CPT1C: variants seen among roughly 807,000 people sequenced by gnomAD.
The protein encoded by CPT1C is carnitine palmitoyltransferase 1C.
Under a neutral mutation model 97.3 loss-of-function variants are expected in CPT1C, and 61 were observed. That is an observed-to-expected ratio of 0.63 (90% confidence interval 0.51 to 0.78). The LOEUF (loss-of-function observed/expected upper bound fraction) is 0.78, where lower values mean the gene tolerates loss of function less well. CPT1C is among the 30% of genes least tolerant of loss of function. The pLI, the probability that CPT1C is intolerant of heterozygous loss-of-function variation, is 0.00. For synonymous variants in CPT1C, 469 were observed against 447.2 expected, an observed-to-expected ratio of 1.05 and a Z score of -0.61; for missense variants, 975 against 1,065.5, an observed-to-expected ratio of 0.92 and a Z score of 1.18.
At chr19:49,696,272 C>T (rs182827711) in intron 3 of CPT1C, among the ~76,000 whole-genome samples, 1 of 152,170 alleles carries the variant, frequency 6.6e-6, no homozygotes, top group African/African-American at 2.4e-5. Context: ...GTAAATGGCA[C>T]CTGGAATGTA....
At position 49,700,869 on chromosome 19, in the gene CPT1C, A is replaced by G. The variant is rs73588425; in HGVS notation, c.453+14A>G. On this transcript the variant is annotated intron_variant, in intron 5 of 19. Transcript: ENST00000598293. ...AAGACCTGGCTGGTATGGGAGGGGC[A>G]TAGCCCTGCTCAGGCTCTCCTGGGA... The G allele has an allele frequency of 6.5e-3, 10,512 of 1,608,962 alleles. 492 individuals carry two copies. The African/African-American group carries it at 0.11, about 17-fold the overall frequency.
intron 7 of CPT1C, among the ~76,000 whole-genome samples, chr19:49,702,165 T>A (rs1324425608): frequency 7.7e-6 from 1 of 129,180 alleles, no homozygotes; most frequent in South Asian, 2.2e-4. Flanking sequence ...AAATTATAAA[T>A]AAATATATAT....
chr19:49,691,338 G>T lies in CPT1C; in HGVS notation c.-86G>T, dbSNP rs180725899. 1 of 152,078 alleles carries T rather than the reference G, an allele frequency of 6.6e-6. No homozygotes were observed. Among genetic ancestry groups the T allele is most frequent in the African/African-American group, 2.4e-5 (1 of 41,386 alleles). 9.4% of individuals were successfully genotyped at this position (152,078 alleles called of 1,614,324 possible). ...CCGATCAGCGGACCCTTGATTCAAC[G>T]TGGTAAGTACTGGACCCCAGGGGCT... On this transcript the variant is annotated splice_region_variant and 5_prime_UTR_variant, in exon 1 of 20. Transcript: ENST00000598293.
chr19:49,704,591 A>C, intron 7 of CPT1C, 119 bp from the exon 8 acceptor site: 1 of 738,028 alleles, frequency 1.4e-6, no homozygotes, highest in Non-Finnish European at 2.4e-6. Flanking sequence ...ACGATGGCTG[A>C]CTTCTTTGGC....
Position 49,705,075 on chromosome 19 carries a change from C to G in CPT1C, c.840C>G (p.Leu280=), listed in dbSNP as rs756866946. 16 of 1,613,776 alleles carry G rather than the reference C, an allele frequency of 9.9e-6. No individual in the cohort carries two copies. The highest frequency in any genetic ancestry group is 1.4e-5 in the Non-Finnish European group (16 of 1,179,960). ...CTGGGAATGCCGTCCATGCCCTCCT[C>G]CTGTACCGCCACCGCCTGAACCGCC... is the stretch of plus-strand genomic sequence containing the variant. The part of the protein sequence containing the change: ...ARAGNAVHAL[L]LYRHRLNRQE... The change falls in exon 9 of 20, where the codon CTC becomes CTG. Residue 280 remains leucine, a synonymous_variant. Coordinates refer to ENST00000598293, the MANE Select transcript of CPT1C (RefSeq NM_001199753.2).
intron 13 of CPT1C, among the ~76,000 whole-genome samples, chr19:49,708,244 G>A (rs922127062): frequency 6.6e-6 from 1 of 152,042 alleles, no homozygotes; most frequent in African/African-American, 2.4e-5. Flanking sequence ...CAGCACTTTG[G>A]GAGGTCAAGG....
At chr19:49,707,496 C>A in intron 12 of CPT1C, 22 bp from the exon 13 acceptor site, 1 of 1,581,696 alleles carries the variant, frequency 6.3e-7, no homozygotes. Flanking sequence ...TCTTGGTGAC[C>A]CATCTGAACT....
intron 4 of CPT1C, 54 bp from the exon 5 acceptor site, chr19:49,700,630 G>A: frequency 6.3e-7 from 1 of 1,576,412 alleles, no homozygotes; most frequent in South Asian, 1.1e-5. Flanking sequence ...CTGGAAGGGA[G>A]GGAGGTTCTG....
rs2083157332 is a variant in CPT1C, at chr19:49,702,041, AT to A, written c.693+410del. On this transcript the variant is annotated intron_variant, in intron 7 of 19. Transcript: ENST00000598293. The stretch of plus-strand genomic sequence containing the variant: ...ATTTATAAATTATAAATATATATTT[AT>A]TTATAAATTATAAATATATATTTAT... 2.1e-5 allele frequency among the ~76,000 whole-genome samples: 2 copies of A among 97,098 alleles called. 1 individual carries two copies. Among genetic ancestry groups the A allele is most frequent in the African/African-American group, 9.9e-5 (2 of 20,254 alleles). The allele number at this position is 97,098 out of a possible 152,430, so 63.7% of individuals were successfully genotyped here.
rs952198814 is a variant in CPT1C, at chr19:49,710,856, C to T, written c.1865C>T (p.Thr622Met). The T allele has an allele frequency of 2.2e-5, 36 of 1,610,640 alleles. No individual in the cohort carries two copies. Among genetic ancestry groups the T allele is most frequent in the Middle Eastern group, 1.7e-4 (1 of 5,972 alleles). The change falls in exon 16 of 20, where the codon ACG (threonine) becomes ATG (methionine). Residue 622 changes from threonine (T) to methionine (M), a missense_variant and splice_region_variant. Thr to Met is a moderately conservative substitution (Grantham distance 81). Transcript: ENST00000598293. ...FVRAMEDKEK[T>M]DPQCLALFRV... Reference sequence around the variant, plus strand: ...AGGGCCATGGAGGACAAAGAGAAGACGGTGGGTGCAGCCCTCGCTTGAGGC... The same window carrying T: ...AGGGCCATGGAGGACAAAGAGAAGATGGTGGGTGCAGCCCTCGCTTGAGGC...
intron 4 of CPT1C, 115 bp downstream of exon 4, chr19:49,697,580 G>A (rs2082738401): frequency 1.6e-6 from 2 of 1,261,140 alleles, no homozygotes; most frequent in Non-Finnish European, 2.2e-6. Context: ...GACTTACATT[G>A]GGTCAGATTA....
chr19:49,712,900 G>T, intron 18 of CPT1C, 51 bp downstream of exon 18: 4 of 1,592,200 alleles, frequency 2.5e-6, no homozygotes, highest in Non-Finnish European at 3.4e-6. Flanking sequence ...GGGCTGGGGG[G>T]CCTGCACTCC....
chr19:49,706,398 G>A lies in CPT1C; in HGVS notation c.1328G>A (p.Gly443Asp), dbSNP rs866635540. The change falls in exon 12 of 20, where the codon GGC (glycine) becomes GAC (aspartate). Residue 443 changes from glycine (G) to aspartate (D), a missense_variant. By Grantham distance (94) the Gly-to-Asp change is moderately conservative. Around this residue, in one of 3 missense-constraint regions of CPT1C, gnomAD observed 596 missense variants for 603.1 expected, o/e 0.99. Coordinates refer to ENST00000598293, the MANE Select transcript of CPT1C (RefSeq NM_001199753.2). This position sits in a 1 kb window ranked among gnomAD's most constrained non-coding sequence, Gnocchi z 4.8. ...GCCTACGCCCATGCTCTGCTGGCCG[G>A]CCGGGGCCATGATCGGTGAGTGAGT... ...LDAYAHALLAGRGHDRWFDKS... is the reference protein window; with the variant it reads ...LDAYAHALLADRGHDRWFDKS... 1 of 1,489,220 alleles carries A rather than the reference G, an allele frequency of 6.7e-7. No homozygotes were observed. The highest frequency in any genetic ancestry group is 2.7e-5 in the Admixed American group (1 of 36,564). The allele number at this position is 1,489,220 out of a possible 1,614,324, so 92.3% of individuals were successfully genotyped here. A position where few individuals can be genotyped will look rare whatever the true frequency, so the allele number is the denominator to read the frequency against.
rs1568537685 is a variant in CPT1C at position 49,708,780 on chromosome 19, G to A, written c.1507G>A (p.Gly503Arg). The A allele has an allele frequency of 6.2e-7, 1 of 1,613,926 alleles. No homozygotes were observed. Among genetic ancestry groups the A allele is most frequent in the African/African-American group, 1.3e-5 (1 of 74,972 alleles). Residue 503 changes from glycine (G) to arginine (R), a missense_variant, in exon 14 of 20, where the codon GGG becomes AGG. Gly to Arg is a moderately radical substitution (Grantham distance 125). This residue lies in a region of CPT1C where 344 missense variants were observed against 395.7 expected (regional missense o/e 0.87). Coordinates refer to ENST00000598293, the MANE Select transcript of CPT1C (RefSeq NM_001199753.2). ...LGYSTDGHCK[G>R]HPDPTLPQPQ... Reference sequence around the variant, plus strand: ...CTACTCAACAGACGGCCACTGCAAGGGGCACCCGGACCCCACACTACCCCA... The same window carrying A: ...CTACTCAACAGACGGCCACTGCAAGAGGCACCCGGACCCCACACTACCCCA...
chr19:49,705,269 A>G lies in CPT1C; in HGVS notation c.935A>G (p.Asn312Ser). ...TCTGCCCAGTACGAGAAGATCTTCA[A>G]CACCACGCGGATTCCAGGGGTCCAA... ...LCSAQYEKIF[N>S]TTRIPGVQKD... The change falls in exon 10 of 20, where the codon AAC (asparagine) becomes AGC (serine). Residue 312 changes from asparagine to serine, a missense_variant. Transcript: ENST00000598293. 6.2e-7 allele frequency: 1 copy of G among 1,606,274 alleles called. No individual in the cohort carries two copies. Among genetic ancestry groups the G allele is most frequent in the Non-Finnish European group, 8.5e-7 (1 of 1,173,744 alleles).
At position 49,701,888 on chromosome 19, in the gene CPT1C, ATTTATT is replaced by A. The variant is rs2083093991; in HGVS notation, c.693+256_693+261del. Among the ~76,000 whole-genome samples, 4 of 110,232 alleles carry A rather than the reference ATTTATT, an allele frequency of 3.6e-5. No individual in the cohort carries two copies. In the South Asian group the frequency reaches 7.1e-4, roughly 19 times the overall value. 72.3% of individuals were successfully genotyped at this position (110,232 alleles called of 152,430 possible). Reference sequence around the variant, plus strand: ...ATATAGTGTATATATAAATATATATATTTATTTATAAATATATATATTTATATTTAT... The same window carrying A: ...ATATAGTGTATATATAAATATATATATATAAATATATATATTTATATTTAT... On this transcript the variant is annotated intron_variant, in intron 7 of 19. Coordinates refer to ENST00000598293, the MANE Select transcript of CPT1C (RefSeq NM_001199753.2).
At position 49,700,792 on chromosome 19, in the gene CPT1C, G is replaced by GTCCTAC; in HGVS notation, c.391_396dup (p.Ser131_Tyr132dup). 6.2e-7 allele frequency: 1 copy of GTCCTAC among 1,613,480 alleles called. No homozygotes were observed. The highest frequency in any genetic ancestry group is 1.1e-5 in the South Asian group (1 of 91,084). On this transcript the variant is annotated inframe_insertion, in exon 5 of 20. Coordinates refer to ENST00000598293, the MANE Select transcript of CPT1C (RefSeq NM_001199753.2). ...TGCACGTGGCCCTGAGGCTGCTTCT[G>GTCCTAC]TCCTACCACGGCTGGCTTCTTGAGC...
rs1194359445 is a variant in CPT1C at position 49,710,317 on chromosome 19, C to A, written c.1567-3C>A. The A allele has an allele frequency of 6.2e-7, 1 of 1,613,626 alleles. No homozygotes were observed. Among genetic ancestry groups the A allele is most frequent in the Non-Finnish European group, 8.5e-7 (1 of 1,179,558 alleles). On this transcript the variant is annotated splice_region_variant and splice_polypyrimidine_tract_variant and intron_variant, in intron 14 of 19. Coordinates refer to ENST00000598293, the MANE Select transcript of CPT1C (RefSeq NM_001199753.2). ...CTACTCCTCTTCCCTCCTCCTCTGG[C>A]AGATCCACTCCTCCATCTCTCTAGC...
chr19:49,708,685 G>A, intron 13 of CPT1C, 38 bp from the exon 14 acceptor site: 1 of 1,487,304 alleles, frequency 6.7e-7, no homozygotes, highest in Non-Finnish European at 9.4e-7. Flanking sequence ...TCAGTCCACA[G>A]GGAGGAAGGG....
Sources: allele counts gnomAD v4.1 joint callset (sites outside exome capture counted in the v4.1 genomes callset), GRCh38; gene constraint gnomAD v4.1.1; regional missense constraint gnomAD v4.1.1; non-coding constraint Gnocchi (gnomAD v3.1); transcripts MANE v1.5; gene names NCBI Gene and HGNC (gene_info 2026-07-23, HGNC 2026-07-21).